Variants in AP1B1 observed in about 807,000 individuals in gnomAD.
AP1B1 encodes adaptor related protein complex 1 subunit beta 1.
AP1B1 carries 36 observed loss-of-function variants against 104.3 expected under a neutral mutation model. The ratio of observed to expected loss-of-function variants is 0.35; its 90% confidence interval spans 0.26 to 0.46. The LOEUF (loss-of-function observed/expected upper bound fraction) is 0.46. AP1B1 is among the 20% of genes least tolerant of loss of function. The pLI, the probability that AP1B1 is intolerant of heterozygous loss-of-function variation, is 1.00. For synonymous variants in AP1B1, 504 were observed against 517.5 expected (o/e 0.97, Z 0.35); for missense variants, 901 against 1,247.9 (o/e 0.72, Z 4.19).
At chr22:29,366,767 C>G (rs2062144453) in intron 2 of AP1B1, among the ~76,000 whole-genome samples, 1 of 151,642 alleles carries the variant, frequency 6.6e-6, no homozygotes, top group Non-Finnish European at 1.5e-5. Context: ...CCACTGCACT[C>G]CAGCCTGGGT....
rs554494719 is a variant in AP1B1 at position 29,342,769 on chromosome 22, T to A, written c.1438-386A>T. Among the ~76,000 whole-genome samples, 9 of 152,272 alleles carry A rather than the reference T, an allele frequency of 5.9e-5. No individual in the cohort carries two copies. In the South Asian group the frequency reaches 1.9e-3, roughly 32 times the overall value. The stretch of plus-strand genomic sequence containing the variant: ...CTGTCAACAAGTGGCGACAGTCCCA[T>A]GGAGGCCCAGGGGACTGGGGCAGCA... On this transcript the variant is annotated intron_variant, in intron 11 of 22. Transcript: ENST00000357586.
intron 1 of AP1B1, among the ~76,000 whole-genome samples, 153 bp downstream of exon 1, chr22:29,388,271 A>G (rs1255985324): frequency 6.6e-6 from 1 of 152,168 alleles, no homozygotes; most frequent in East Asian, 1.9e-4. Context: ...ACGAACCCTC[A>G]GCCCTTCCTC....
rs778249787 is a variant in AP1B1, at chr22:29,349,272, G to A, written c.1383C>T (p.Asn461=). Residue 461 remains asparagine (N), a synonymous_variant, in exon 11 of 23, where the codon AAC becomes AAT. Transcript: ENST00000357586. ...GGAAGCTCTCCAGCAGCTCATCTGC[G>A]TTGTCGATCCGTTCCGCGTACTCGC... The part of the protein sequence containing the change: ...IVGEYAERID[N]ADELLESFLE... 2.0e-5 allele frequency: 33 copies of A among 1,613,846 alleles called. No individual in the cohort carries two copies. The highest frequency in any genetic ancestry group is 2.5e-5 in the Non-Finnish European group (30 of 1,180,044).
intron 1 of AP1B1, among the ~76,000 whole-genome samples, chr22:29,383,742 C>T (rs2062475638): frequency 6.6e-6 from 1 of 151,192 alleles, no homozygotes; most frequent in Non-Finnish European, 1.5e-5. Flanking sequence ...AACCTACCAC[C>T]TTCCAGCTCC....
chr22:29,356,839 A>G (rs967379985), intron 5 of AP1B1, among the ~76,000 whole-genome samples: 1 of 152,132 alleles, frequency 6.6e-6, no homozygotes. Context: ...AAAAACAAGA[A>G]AGACCTAGCT....
At chr22:29,364,528 C>G (rs962776321) in intron 2 of AP1B1, among the ~76,000 whole-genome samples, 30 of 151,538 alleles carry the variant, frequency 2.0e-4, no homozygotes, top group Non-Finnish European at 3.8e-4. Flanking sequence ...CAGCAATTCT[C>G]CTGCCTCAGC....
At chr22:29,331,705 A>C in intron 18 of AP1B1, 82 bp downstream of exon 18, 1 of 1,611,126 alleles carries the variant, frequency 6.2e-7, no homozygotes, top group Non-Finnish European at 8.5e-7. Flanking sequence ...ATGACTCCGC[A>C]GACACGACCT....
intron 16 of AP1B1, among the ~76,000 whole-genome samples, chr22:29,336,112 T>C (rs1267899030): frequency 6.6e-6 from 1 of 152,220 alleles, no homozygotes; most frequent in Admixed American, 6.5e-5. Flanking sequence ...ACCAATGAAC[T>C]GTCACCACCA....
chr22:29,373,927 G>A (rs1283374111), intron 1 of AP1B1, among the ~76,000 whole-genome samples: 1 of 141,938 alleles, frequency 7.0e-6, no homozygotes, highest in African/African-American at 2.6e-5. Context: ...GCAAGGCACG[G>A]TGGCTCACAC....
intron 11 of AP1B1, among the ~76,000 whole-genome samples, chr22:29,345,652 G>A (rs1220936011): frequency 6.7e-6 from 1 of 150,000 alleles, no homozygotes; most frequent in Admixed American, 6.7e-5. Flanking sequence ...TTACAGGCGT[G>A]AGCCGCTGCA....
Position 29,379,018 on chromosome 22 carries a change from G to C in AP1B1, c.-28+9406C>G, listed in dbSNP as rs73403064. Among the ~76,000 whole-genome samples the C allele has an allele frequency of 8.4e-3, 1,283 of 152,114 alleles. 21 individuals are homozygous for C. The highest frequency in any genetic ancestry group is 0.03 in the African/African-American group (1,226 of 41,494). On this transcript the variant is annotated intron_variant, in intron 1 of 22. Coordinates refer to ENST00000357586, the MANE Select transcript of AP1B1 (RefSeq NM_001127.4). ...CATTCTAGAATCAGGTACCAGTTCT[G>C]AACTGATCTATAAGCCGTAATGTGC...
At chr22:29,341,448 A>T in intron 13 of AP1B1, 53 bp downstream of exon 13, 1 of 1,579,076 alleles carries the variant, frequency 6.3e-7, no homozygotes, top group Non-Finnish European at 8.6e-7. Context: ...CTGTGCTGCT[A>T]AACTGGGGAA....
chr22:29,371,994 G>A (rs2062247044), intron 1 of AP1B1, among the ~76,000 whole-genome samples: 1 of 152,158 alleles, frequency 6.6e-6, no homozygotes, highest in Non-Finnish European at 1.5e-5. Context: ...TGGAACAACT[G>A]GTTTCACCCT....
At chr22:29,333,582 CG>C (rs1320902503) in intron 17 of AP1B1, among the ~76,000 whole-genome samples, 1 of 151,774 alleles carries the variant, frequency 6.6e-6, no homozygotes, top group African/African-American at 2.4e-5. Flanking sequence ...GGTGTGGTGG[CG>C]TGCACCTGTA....
intron 7 of AP1B1, among the ~76,000 whole-genome samples, chr22:29,353,564 C>T (rs2061910341): frequency 6.6e-6 from 1 of 152,210 alleles, no homozygotes. Context: ...AACCAGGAAG[C>T]CCTAGTTTCA....
intron 1 of AP1B1, among the ~76,000 whole-genome samples, chr22:29,376,402 G>C (rs2283850): frequency 0.62 from 93,732 of 151,950 alleles, 29,954 homozygotes; most frequent in African/African-American, 0.79. Context: ...GTGAGATGAG[G>C]CAGAGAAAAA....
chr22:29,349,785 G>A (rs2061845841), intron 10 of AP1B1, among the ~76,000 whole-genome samples: 1 of 152,094 alleles, frequency 6.6e-6, no homozygotes, highest in South Asian at 2.1e-4. Context: ...CAAAGTGCTG[G>A]GATTACAGGC....
chr22:29,349,448 G>A, intron 10 of AP1B1, 65 bp from the exon 11 acceptor site: 1 of 1,576,776 alleles, frequency 6.3e-7, no homozygotes. Flanking sequence ...AGGGAAGCCA[G>A]ACAGGGGCCA....
At chr22:29,362,864 A>G (rs1195017222) in intron 3 of AP1B1, 137 bp downstream of exon 3, 1 of 654,450 alleles carries the variant, frequency 1.5e-6, no homozygotes, top group South Asian at 1.8e-5. Context: ...TATTGGGAAG[A>G]AAGTTTTATG....
Sources: allele counts gnomAD v4.1 joint callset (sites outside exome capture counted in the v4.1 genomes callset), GRCh38; gene constraint gnomAD v4.1.1; transcripts MANE v1.5; gene names NCBI Gene and HGNC (gene_info 2026-07-23, HGNC 2026-07-21).